The following EYS variants were observed in gnomAD, a reference collection of about 807,000 sequenced individuals.
EYS encodes the protein EGF-like photoreceptor maintenance factor.
Under a neutral mutation model 282.1 loss-of-function variants are expected in EYS, and 250 were observed. The observed-to-expected ratio is 0.89, with a 90% CI of 0.80 to 0.98. The LOEUF (loss-of-function observed/expected upper bound fraction) is 0.98, where lower values mean the gene tolerates loss of function less well. Ranked by LOEUF, EYS falls within the 50% of genes least tolerant of loss-of-function variation. The probability of loss-of-function intolerance (pLI) is 0.00; values close to 1 mark genes in which losing one functional copy is unlikely to be tolerated. For synonymous variants in EYS, 1,355 were observed against 1,282.9 expected (o/e 1.06, Z -1.20); for missense variants, 4,016 against 3,709.0 (o/e 1.08, Z -2.15).
At chr6:65,510,969 C>T (rs1766847455) in intron 2 of EYS, among the ~76,000 whole-genome samples, 3 of 152,128 alleles carry the variant, frequency 2.0e-5, no homozygotes, top group Non-Finnish European at 4.4e-5. Flanking sequence ...TTTGACTGTA[C>T]TTAAAACACT....
At chr6:65,692,671 C>T (rs1769285964) in intron 1 of EYS, among the ~76,000 whole-genome samples, 1 of 149,696 alleles carries the variant, frequency 6.7e-6, no homozygotes, top group African/African-American at 2.4e-5. Flanking sequence ...GGGACTAAAA[C>T]ATATAATTTT....
At chr6:64,976,994 G>A (rs1770493227) in intron 14 of EYS, among the ~76,000 whole-genome samples, 1 of 151,912 alleles carries the variant, frequency 6.6e-6, no homozygotes, top group South Asian at 2.1e-4. Flanking sequence ...CTGGGTTCAT[G>A]TGATTTTCCT....
At chr6:64,505,350 G>A (rs1582830541) in intron 26 of EYS, among the ~76,000 whole-genome samples, 2 of 152,028 alleles carry the variant, frequency 1.3e-5, no homozygotes, top group Admixed American at 1.3e-4. Context: ...TTTTATCATA[G>A]GCCACCTCAA....
At chr6:64,900,073 A>T (rs909982543) in intron 18 of EYS, among the ~76,000 whole-genome samples, 7 of 152,132 alleles carry the variant, frequency 4.6e-5, no homozygotes, top group Non-Finnish European at 1.0e-4. Context: ...CAGAAATAAC[A>T]TCACACATCT....
intron 28 of EYS, chr6:64,412,552 T>C (rs1417879717): frequency 6.6e-6 from 1 of 152,118 alleles, no homozygotes; most frequent in East Asian, 1.9e-4. Flanking sequence ...ATGTTAATAA[T>C]GGCAAATTTG....
chr6:64,404,412 T>C (rs991671158), intron 28 of EYS, among the ~76,000 whole-genome samples: 12 of 148,152 alleles, frequency 8.1e-5, no homozygotes, highest in South Asian at 4.2e-4. Flanking sequence ...TGTGTGTGTG[T>C]GCACGCACGC....
At chr6:65,159,842 T>C (rs1764810500) in intron 12 of EYS, among the ~76,000 whole-genome samples, 1 of 150,922 alleles carries the variant, frequency 6.6e-6, no homozygotes, top group African/African-American at 2.4e-5. Flanking sequence ...TCATGAAATT[T>C]GAAACAATTA....
chr6:64,746,016 C>T (rs1461170146), intron 22 of EYS, among the ~76,000 whole-genome samples: 2 of 151,974 alleles, frequency 1.3e-5, no homozygotes, highest in Non-Finnish European at 2.9e-5. Flanking sequence ...AAGAAGAAAA[C>T]ATTGAAAGTT....
At chr6:65,558,141 T>C (rs1768891526) in intron 2 of EYS, among the ~76,000 whole-genome samples, 1 of 152,198 alleles carries the variant, frequency 6.6e-6, no homozygotes, top group African/African-American at 2.4e-5. Flanking sequence ...TAGAAACCTG[T>C]CTGCCTCCTA....
chr6:63,721,908 CAG>C (rs1768413067), intron 42 of EYS, 111 bp from the exon 43 acceptor site: 2 of 953,054 alleles, frequency 2.1e-6, no homozygotes, highest in Non-Finnish European at 3.1e-6. Flanking sequence ...AAAAAAGTAA[CAG>C]ATCTTGAGCA....
intron 28 of EYS, among the ~76,000 whole-genome samples, chr6:64,394,451 G>A (rs1252621091): frequency 1.3e-5 from 2 of 152,156 alleles, no homozygotes; most frequent in African/African-American, 4.8e-5. Flanking sequence ...CAATGGAACA[G>A]AATAGAGCCC....
At chr6:64,913,039 T>A (rs1213986444) in intron 15 of EYS, among the ~76,000 whole-genome samples, 2 of 152,054 alleles carry the variant, frequency 1.3e-5, no homozygotes, top group African/African-American at 2.4e-5. Context: ...AAATCACCAA[T>A]TGAGCAAAAT....
rs1016875250 is a variant in EYS, at chr6:63,999,227, C to A, written c.6726-44G>T. 4 of 1,322,082 alleles carry A rather than the reference C, an allele frequency of 3.0e-6. No individual in the cohort carries two copies. In the African/African-American group the frequency reaches 5.8e-5, roughly 19 times the overall value. The allele number at this position is 1,322,082 out of a possible 1,614,324, so 81.9% of individuals were successfully genotyped here. A position where few individuals can be genotyped will look rare whatever the true frequency, so the allele number is the denominator to read the frequency against. ...AGGCCATTATGATATGTGTTTTTGG[C>A]AAGAAAGGAGTAACTTCACACATGG... is the stretch of plus-strand genomic sequence containing the variant. On this transcript the variant is annotated intron_variant, in intron 33 of 42. Transcript: ENST00000503581.
At chr6:65,287,742 A>C (rs929830889) in intron 12 of EYS, among the ~76,000 whole-genome samples, 2 of 151,236 alleles carry the variant, frequency 1.3e-5, no homozygotes, top group Non-Finnish European at 3.0e-5. Flanking sequence ...AAAAGTCACA[A>C]ATTTTCTGCT....
intron 15 of EYS, among the ~76,000 whole-genome samples, chr6:64,930,127 C>T (rs1768663214): frequency 6.6e-6 from 1 of 152,016 alleles, no homozygotes; most frequent in African/African-American, 2.4e-5. Flanking sequence ...CACTTTGATC[C>T]AGCAATTACA....
intron 5 of EYS, among the ~76,000 whole-genome samples, chr6:65,456,065 AAG>A (rs1764599169): frequency 2.0e-5 from 3 of 151,688 alleles, no homozygotes; most frequent in South Asian, 2.1e-4. Context: ...GAAAGAAGGA[AAG>A]AGAGAGAGAT....
chr6:64,673,717 T>C (rs1769548894), intron 22 of EYS, among the ~76,000 whole-genome samples: 1 of 152,096 alleles, frequency 6.6e-6, no homozygotes, highest in South Asian at 2.1e-4. Context: ...ACAATCTTTA[T>C]CTCATTGATA....
At chr6:64,461,693 C>A (rs971944931) in intron 26 of EYS, among the ~76,000 whole-genome samples, 2 of 152,080 alleles carry the variant, frequency 1.3e-5, no homozygotes, top group African/African-American at 4.8e-5. Context: ...CAATAATTTT[C>A]ACAGTAAGAA....
chr6:65,119,964 AC>A (rs990134813), intron 12 of EYS, among the ~76,000 whole-genome samples: 59 of 149,482 alleles, frequency 3.9e-4, no homozygotes, highest in Admixed American at 4.7e-4. Context: ...CGTGAAACCT[AC>A]CCCCCCTCCC....
Sources: allele counts gnomAD v4.1 joint callset (sites outside exome capture counted in the v4.1 genomes callset), GRCh38; gene constraint gnomAD v4.1.1; transcripts MANE v1.5; gene names NCBI Gene and HGNC (gene_info 2026-07-23, HGNC 2026-07-21).